PTPRD: variants seen among roughly 807,000 people sequenced by gnomAD.
PTPRD encodes the protein protein tyrosine phosphatase receptor type D.
PTPRD carries 34 observed loss-of-function variants against 214.5 expected under a neutral mutation model. The ratio of observed to expected loss-of-function variants is 0.16; its 90% CI spans 0.12 to 0.21. The LOEUF is 0.21. Among genes scored for constraint, PTPRD ranks in the 10% least tolerant of loss-of-function variants. The pLI is 1.00. For missense variants in PTPRD, 2,545 were observed against 2,398.7 expected (o/e 1.06, Z -1.27); for synonymous variants, 1,128 against 845.7 (o/e 1.33, Z -5.79).
At chr9:9,950,482 TG>T (rs1377824145) in intron 4 of PTPRD, among the ~76,000 whole-genome samples, 1 of 94,836 alleles carries the variant, frequency 1.1e-5, no homozygotes, top group Non-Finnish European at 1.8e-5. Context: ...CCCAGCACTT[TG>T]GGAGGCCGAG....
At chr9:10,024,697 G>A (rs988721132) in intron 4 of PTPRD, among the ~76,000 whole-genome samples, 2 of 150,878 alleles carry the variant, frequency 1.3e-5, no homozygotes, top group South Asian at 2.1e-4. Context: ...TGTTACATAC[G>A]TATACATGTG....
At chr9:9,507,338 G>A (rs1366435623) in intron 8 of PTPRD, among the ~76,000 whole-genome samples, 3 of 151,178 alleles carry the variant, frequency 2.0e-5, no homozygotes, top group Non-Finnish European at 3.0e-5. Flanking sequence ...CTGGGTAATA[G>A]GATAAATAGT....
intron 35 of PTPRD, among the ~76,000 whole-genome samples, chr9:8,406,462 G>C (rs1156910267): frequency 6.6e-6 from 1 of 152,152 alleles, no homozygotes; most frequent in Non-Finnish European, 1.5e-5. Flanking sequence ...TGCCAAAGTT[G>C]TCTTTCTAAA....
intron 4 of PTPRD, among the ~76,000 whole-genome samples, chr9:10,010,024 C>T (rs984176157): frequency 1.4e-4 from 21 of 151,748 alleles, no homozygotes; most frequent in African/African-American, 4.8e-4. Flanking sequence ...TCCCCTTGGC[C>T]GAGAGGAGGG....
chr9:8,805,862 G>C (rs2096666948), intron 11 of PTPRD, among the ~76,000 whole-genome samples: 1 of 150,700 alleles, frequency 6.6e-6, no homozygotes, highest in South Asian at 2.1e-4. Context: ...GGGCATGGTG[G>C]TGGACACCTA....
intron 11 of PTPRD, among the ~76,000 whole-genome samples, chr9:8,796,553 T>G (rs1262227894): frequency 6.6e-6 from 1 of 152,162 alleles, no homozygotes; most frequent in East Asian, 1.9e-4. Flanking sequence ...CCTCCCAATA[T>G]TTAATTTCTT....
At chr9:8,915,923 A>C (rs932507287) in intron 11 of PTPRD, among the ~76,000 whole-genome samples, 4 of 152,196 alleles carry the variant, frequency 2.6e-5, no homozygotes, top group Admixed American at 1.3e-4. Flanking sequence ...TTAAGTTGAC[A>C]TACATAATTA....
chr9:10,508,864 A>C (rs1340627854), intron 2 of PTPRD, among the ~76,000 whole-genome samples: 1 of 152,152 alleles, frequency 6.6e-6, no homozygotes. Flanking sequence ...TAATAGGTGC[A>C]GCACACCAAC....
chr9:9,689,608 T>G (rs1204415516), intron 7 of PTPRD, among the ~76,000 whole-genome samples: 3 of 151,830 alleles, frequency 2.0e-5, no homozygotes, highest in Admixed American at 6.6e-5. Flanking sequence ...TATTTTTTGT[T>G]TTACTATTAA....
At chr9:10,300,545 T>C (rs2154406492) in intron 3 of PTPRD, among the ~76,000 whole-genome samples, 1 of 152,280 alleles carries the variant, frequency 6.6e-6, no homozygotes, top group African/African-American at 2.4e-5. Context: ...CACAGAAGTC[T>C]GAGGTTGACC....
chr9:9,042,268 A>C (rs1013739768), intron 10 of PTPRD, among the ~76,000 whole-genome samples: 2 of 152,226 alleles, frequency 1.3e-5, no homozygotes, highest in African/African-American at 4.8e-5. Context: ...CTTCCCTACC[A>C]GTTTTACTGA....
At chr9:8,775,535 G>A (rs935885490) in intron 11 of PTPRD, among the ~76,000 whole-genome samples, 2 of 152,100 alleles carry the variant, frequency 1.3e-5, no homozygotes, top group Non-Finnish European at 2.9e-5. Context: ...AAAAAAACTG[G>A]AAAGGCCTTA....
intron 4 of PTPRD, among the ~76,000 whole-genome samples, chr9:10,032,386 G>C (rs1365942833): frequency 6.6e-6 from 1 of 152,188 alleles, no homozygotes; most frequent in Non-Finnish European, 1.5e-5. Context: ...AACTTGCCAA[G>C]ATATCTTTGG....
chr9:9,309,420 T>C (rs953924947), intron 9 of PTPRD, among the ~76,000 whole-genome samples: 1 of 152,150 alleles, frequency 6.6e-6, no homozygotes, highest in African/African-American at 2.4e-5. Context: ...CCAAAACTAT[T>C]TCAGCTGCTA....
intron 11 of PTPRD, among the ~76,000 whole-genome samples, chr9:9,014,165 TG>T (rs1488546018): frequency 4.6e-5 from 7 of 150,910 alleles, no homozygotes; most frequent in Admixed American, 6.6e-5. Context: ...GTTTGGTCCA[TG>T]CTATTACCTC....
intron 2 of PTPRD, among the ~76,000 whole-genome samples, chr9:10,502,712 CA>C (rs2044192678): frequency 6.6e-6 from 1 of 152,018 alleles, no homozygotes; most frequent in African/African-American, 2.4e-5. Context: ...GTAAGCATTT[CA>C]AAAATGTAGG....
intron 10 of PTPRD, among the ~76,000 whole-genome samples, chr9:9,174,584 G>A (rs1447613922): frequency 6.6e-6 from 1 of 152,060 alleles, no homozygotes; most frequent in Non-Finnish European, 1.5e-5. Context: ...CATTACTGTG[G>A]TTTTAAATTG....
chr9:10,266,013 A>G (rs1259307721), intron 3 of PTPRD, among the ~76,000 whole-genome samples: 1 of 152,208 alleles, frequency 6.6e-6, no homozygotes. Flanking sequence ...ATATATTACT[A>G]AACTTATATT....
chr9:9,079,232 A>G (rs1279907994), intron 10 of PTPRD, among the ~76,000 whole-genome samples: 1 of 151,878 alleles, frequency 6.6e-6, no homozygotes, highest in Non-Finnish European at 1.5e-5. Flanking sequence ...AGCCTCTAAT[A>G]TCCTCTGTTC....
Sources: allele counts gnomAD v4.1 joint callset (sites outside exome capture counted in the v4.1 genomes callset), GRCh38; gene constraint gnomAD v4.1.1; transcripts MANE v1.5; gene names NCBI Gene and HGNC (gene_info 2026-07-23, HGNC 2026-07-21).